JAM3: variants seen among roughly 807,000 people sequenced by gnomAD.
JAM3 encodes the protein junctional adhesion molecule 3, also known as junctional adhesion molecule C.
Under a neutral mutation model 39.4 loss-of-function variants are expected in JAM3, and 31 were observed. That is an observed-to-expected ratio of 0.79 (90% CI 0.59 to 1.06). JAM3 has a LOEUF of 1.06. Among genes scored for constraint, JAM3 ranks in the 50% least tolerant of loss-of-function variants. The pLI is 0.00. For missense variants in JAM3, 455 were observed against 391.4 expected, an observed-to-expected ratio of 1.16 and a Z score of -1.37; for synonymous variants, 182 against 148.7, an observed-to-expected ratio of 1.22 and a Z score of -1.63.
intron 1 of JAM3, among the ~76,000 whole-genome samples, chr11:134,114,154 T>G (rs960012793): frequency 6.6e-6 from 1 of 152,250 alleles, no homozygotes; most frequent in Non-Finnish European, 1.5e-5. Context: ...GCCTGTTCAC[T>G]GTGATGGTAG....
intron 1 of JAM3, among the ~76,000 whole-genome samples, chr11:134,122,206 G>A (rs1291733797): frequency 6.6e-6 from 1 of 152,190 alleles, no homozygotes; most frequent in East Asian, 1.9e-4. Flanking sequence ...ATCAGTGTGA[G>A]ACAAGGTCCC....
At chr11:134,148,231 C>G (rs1943115082) in intron 6 of JAM3, 1 of 404,026 alleles carries the variant, frequency 2.5e-6, no homozygotes, top group Non-Finnish European at 4.6e-6. Flanking sequence ...ACCATTTCCT[C>G]CATAAGTAAT....
chr11:134,107,135 T>C (rs547028165), intron 1 of JAM3, among the ~76,000 whole-genome samples: 1 of 152,342 alleles, frequency 6.6e-6, no homozygotes, highest in East Asian at 1.9e-4. Context: ...ATATACACCA[T>C]GGAATACTAT....
At chr11:134,123,449 G>T (rs1196185740) in intron 1 of JAM3, among the ~76,000 whole-genome samples, 1 of 152,098 alleles carries the variant, frequency 6.6e-6, no homozygotes, top group African/African-American at 2.4e-5. Context: ...AATGAAGAGT[G>T]TGCTCCCCAG....
At chr11:134,095,794 G>C (rs1398842262) in intron 1 of JAM3, among the ~76,000 whole-genome samples, 2 of 152,084 alleles carry the variant, frequency 1.3e-5, no homozygotes, top group East Asian at 3.8e-4. Flanking sequence ...GCCATCTTAG[G>C]AAGAAACTGA....
At chr11:134,097,344 G>A (rs932125668) in intron 1 of JAM3, among the ~76,000 whole-genome samples, 2 of 152,144 alleles carry the variant, frequency 1.3e-5, no homozygotes, top group African/African-American at 4.8e-5. Context: ...GCATTTCAGG[G>A]CGCCTTGCCT....
intron 5 of JAM3, 64 bp downstream of exon 5, chr11:134,145,058 G>A: frequency 2.3e-6 from 3 of 1,326,856 alleles, no homozygotes; most frequent in Non-Finnish European, 3.3e-6. Context: ...TGCTTATTGT[G>A]AAAAGAAGAT....
chr11:134,074,987 CTTTTTTT>C (rs57613157), intron 1 of JAM3, among the ~76,000 whole-genome samples: 2 of 124,484 alleles, frequency 1.6e-5, no homozygotes, highest in Admixed American at 8.5e-5. Context: ...AAGACAGCTG[CTTTTTTT>C]TTTTTTTTTT....
At chr11:134,121,234 A>G (rs1485646099) in intron 1 of JAM3, among the ~76,000 whole-genome samples, 1 of 152,240 alleles carries the variant, frequency 6.6e-6, no homozygotes, top group Non-Finnish European at 1.5e-5. Flanking sequence ...GTCTGGCATC[A>G]GATCCGCAGA....
At chr11:134,139,701 C>G (rs1312440802) in intron 1 of JAM3, 150 bp from the exon 2 acceptor site, 17 of 684,230 alleles carry the variant, frequency 2.5e-5, no homozygotes, top group Non-Finnish European at 4.5e-5. Context: ...GTTAACTTGG[C>G]TTACCTAAGA....
chr11:134,122,683 A>G (rs1300274342), intron 1 of JAM3, among the ~76,000 whole-genome samples: 1 of 152,236 alleles, frequency 6.6e-6, no homozygotes, highest in African/African-American at 2.4e-5. Context: ...CAATGGTTAA[A>G]CTGAACTTTA....
At chr11:134,115,839 G>A (rs991056629) in intron 1 of JAM3, among the ~76,000 whole-genome samples, 4 of 152,118 alleles carry the variant, frequency 2.6e-5, no homozygotes, top group Admixed American at 1.3e-4. Flanking sequence ...TGAGGCTGCA[G>A]TAAGCCATGA....
chr11:134,139,273 ATAT>A (rs1222433843), intron 1 of JAM3, among the ~76,000 whole-genome samples: 3 of 152,268 alleles, frequency 2.0e-5, no homozygotes, highest in East Asian at 1.9e-4. Flanking sequence ...TTACCGTGTT[ATAT>A]TATTATTTTT....
At chr11:134,133,438 T>C (rs539691112) in intron 1 of JAM3, among the ~76,000 whole-genome samples, 1 of 152,334 alleles carries the variant, frequency 6.6e-6, no homozygotes, top group East Asian at 1.9e-4. Flanking sequence ...GTTTTTCATA[T>C]ATGACCTTTA....
chr11:134,094,862 C>G (rs1462864322), intron 1 of JAM3, among the ~76,000 whole-genome samples: 2 of 152,172 alleles, frequency 1.3e-5, no homozygotes, highest in African/African-American at 4.8e-5. Flanking sequence ...CATTTCTTGG[C>G]CCAAATATAG....
In JAM3 at chr11:134,150,629, C is replaced by T. The variant is rs1252916837; in HGVS notation, c.*1448C>T. The T allele has an allele frequency of 6.6e-6, 1 of 150,424 alleles. No individual in the cohort carries two copies. Among genetic ancestry groups the T allele is most frequent in the African/African-American group, 2.4e-5 (1 of 41,108 alleles). The allele number at this position is 150,424 out of a possible 1,614,324, so 9.3% of individuals were successfully genotyped here. A position where few individuals can be genotyped will look rare whatever the true frequency, so the allele number is the denominator to read the frequency against. ...GTTATGGATGGCTCACAAAATAGGGCCCCCAATGCTATTTTTTTTTTTTAA... is the reference window on the plus strand; with the variant it reads ...GTTATGGATGGCTCACAAAATAGGGTCCCCAATGCTATTTTTTTTTTTTAA... On this transcript the variant is annotated 3_prime_UTR_variant, in exon 9 of 9. Transcript: ENST00000299106.
chr11:134,119,543 T>A (rs928501242), intron 1 of JAM3, among the ~76,000 whole-genome samples: 2 of 152,264 alleles, frequency 1.3e-5, no homozygotes, highest in South Asian at 4.1e-4. Context: ...ACTCACACGA[T>A]TAAGAAAGCT....
rs2120407534 is a variant in JAM3 at position 134,150,204 on chromosome 11, A to G, written c.*1023A>G. On this transcript the variant is annotated 3_prime_UTR_variant, in exon 9 of 9. Coordinates refer to ENST00000299106, the MANE Select transcript of JAM3 (RefSeq NM_032801.5). ...ACTCATACTGTCTACACATCAGACC[A>G]TAGTTGCTTAGGAAACCTTTAAAAA... The G allele has an allele frequency of 6.6e-6, 1 of 152,228 alleles. No homozygotes were observed. Among genetic ancestry groups the G allele is most frequent in the Middle Eastern group, 3.4e-3 (1 of 292 alleles). The allele number at this position is 152,228 out of a possible 1,614,324, so 9.4% of individuals were successfully genotyped here. A position where few individuals can be genotyped will look rare whatever the true frequency, so the allele number is the denominator to read the frequency against.
Position 134,151,918 on chromosome 11 carries a change from CCT to C in JAM3, c.*2741_*2742del, listed in dbSNP as rs1943250848. On this transcript the variant is annotated 3_prime_UTR_variant, in exon 9 of 9. Transcript: ENST00000299106. ...CTGTGTGCTCAAGAGCAGTGCTGCG[CCT>C]CTCCGCCACCGAGCCCACCTGTGTT... 2 of 152,198 alleles carry C rather than the reference CCT, an allele frequency of 1.3e-5. No individual in the cohort carries two copies. The highest frequency in any genetic ancestry group is 4.8e-5 in the African/African-American group (2 of 41,458). 9.4% of individuals were successfully genotyped at this position (152,198 alleles called of 1,614,324 possible).
Sources: allele counts gnomAD v4.1 joint callset (sites outside exome capture counted in the v4.1 genomes callset), GRCh38; gene constraint gnomAD v4.1.1; transcripts MANE v1.5; gene names NCBI Gene and HGNC (gene_info 2026-07-23, HGNC 2026-07-21).